The following SPATA22 variants were observed in gnomAD, a reference collection of about 807,000 sequenced individuals.
SPATA22 encodes the protein spermatogenesis-associated protein 22.
Under a neutral mutation model 47.8 loss-of-function variants are expected in SPATA22, and 29 were observed. The ratio of observed to expected loss-of-function variants is 0.61; its 90% confidence interval spans 0.45 to 0.83. SPATA22 has a LOEUF of 0.83. SPATA22 is among the 40% of genes least tolerant of loss of function. The pLI, the probability that SPATA22 is intolerant of heterozygous loss-of-function variation, is 0.00. For missense variants in SPATA22, 410 were observed against 421.7 expected (o/e 0.97, Z 0.24); for synonymous variants, 133 against 140.9 (o/e 0.94, Z 0.40).
upstream of SPATA22, among the ~76,000 whole-genome samples, chr17:3,474,594 A>G (rs893880449): frequency 6.6e-6 from 1 of 151,984 alleles, no homozygotes; most frequent in African/African-American, 2.4e-5. Context: ...TTTTTTTTCT[A>G]TTAGAACAGT....
chr17:3,501,162 A>G (rs555256475), intron 1 of SPATA22: 32 of 152,156 alleles, frequency 2.1e-4, no homozygotes, highest in African/African-American at 7.5e-4. Flanking sequence ...GAGAAAAAAG[A>G]AAAAAAAGAA....
chr17:3,509,501 C>T (rs917682264), intron 1 of SPATA22, among the ~76,000 whole-genome samples: 4 of 152,068 alleles, frequency 2.6e-5, no homozygotes, highest in African/African-American at 9.7e-5. Flanking sequence ...GATCTCATTC[C>T]TTTTTATGGC....
rs567610187 is a variant in SPATA22 at position 3,447,602 on chromosome 17, C to T, written c.673-1001G>A. On this transcript the variant is annotated intron_variant, in intron 6 of 8. Coordinates refer to ENST00000572969, the MANE Select transcript of SPATA22 (RefSeq NM_001170698.2). Reference sequence around the variant, plus strand: ...AAACATGCAAAAACAAATTTTACCCCGATGGCTTTTTGAAAAGATTGCTTT... The same window carrying T: ...AAACATGCAAAAACAAATTTTACCCTGATGGCTTTTTGAAAAGATTGCTTT... 6.6e-5 allele frequency among the ~76,000 whole-genome samples: 10 copies of T among 152,248 alleles called. No individual in the cohort carries two copies. The South Asian group carries it at 1.2e-3, about 19-fold the overall frequency.
chr17:3,512,206 TCTC>T (rs1218463784), intron 1 of SPATA22: 1 of 152,266 alleles, frequency 6.6e-6, no homozygotes, highest in African/African-American at 2.4e-5. Flanking sequence ...CTAGGACAGT[TCTC>T]CTCAAATCTT....
chr17:3,471,614 T>G, intron 1 of SPATA22, 68 bp downstream of exon 1: 3 of 985,080 alleles, frequency 3.0e-6, no homozygotes, highest in Non-Finnish European at 3.6e-6. Context: ...CCAGTCCGAG[T>G]TGAGACGCTC....
intron 7 of SPATA22, among the ~76,000 whole-genome samples, chr17:3,444,806 C>T (rs1354673869): frequency 2.6e-5 from 4 of 152,006 alleles, no homozygotes; most frequent in Non-Finnish European, 5.9e-5. Flanking sequence ...ATATACAGTG[C>T]AGTGTGCTAG....
intron 5 of SPATA22, among the ~76,000 whole-genome samples, chr17:3,455,132 C>T (rs1223888839): frequency 7.1e-6 from 1 of 140,744 alleles, no homozygotes; most frequent in Non-Finnish European, 1.7e-5. Flanking sequence ...CCTTTGCCCA[C>T]TTTTTGATGG....
chr17:3,481,589 T>G (rs1188642815), intron 1 of SPATA22: 1 of 1,610,516 alleles, frequency 6.2e-7, no homozygotes, highest in Non-Finnish European at 8.5e-7. Flanking sequence ...TCTTTTTCTT[T>G]CTGCTTATAA....
chr17:3,508,107 T>C (rs1038528424), intron 1 of SPATA22, among the ~76,000 whole-genome samples: 2 of 152,200 alleles, frequency 1.3e-5, no homozygotes, highest in African/African-American at 4.8e-5. Flanking sequence ...ATTTCACTTA[T>C]TAACAAATTG....
chr17:3,482,745 T>C (rs982614468), intron 1 of SPATA22, among the ~76,000 whole-genome samples: 1 of 151,962 alleles, frequency 6.6e-6, no homozygotes, highest in African/African-American at 2.4e-5. Flanking sequence ...GTGGTCCTGG[T>C]AGGAGATCAT....
At chr17:3,444,724 T>C (rs1412633946) in intron 7 of SPATA22, among the ~76,000 whole-genome samples, 2 of 152,060 alleles carry the variant, frequency 1.3e-5, no homozygotes, top group Non-Finnish European at 2.9e-5. Flanking sequence ...TACATAGCAA[T>C]ATAAATGAGT....
At chr17:3,499,189 C>A in intron 1 of SPATA22, 1 of 1,271,702 alleles carries the variant, frequency 7.9e-7, no homozygotes. Context: ...GCATACATAG[C>A]TCCTAGCACA....
intron 1 of SPATA22, among the ~76,000 whole-genome samples, chr17:3,483,240 G>T (rs1316842283): frequency 6.6e-6 from 1 of 151,962 alleles, no homozygotes; most frequent in African/African-American, 2.4e-5. Flanking sequence ...TTTTGATCAT[G>T]GTTCTGGAGA....
chr17:3,463,177 A>C (rs1241865222), intron 3 of SPATA22, among the ~76,000 whole-genome samples: 1 of 152,220 alleles, frequency 6.6e-6, no homozygotes, highest in Non-Finnish European at 1.5e-5. Context: ...AGAATATAAA[A>C]CTTCATCAAA....
intron 5 of SPATA22, among the ~76,000 whole-genome samples, chr17:3,460,814 A>AAAAAAAAAAAAG (rs1555535972): frequency 7.1e-6 from 1 of 140,106 alleles, no homozygotes. Flanking sequence ...AAAAAAAAAA[A>AAAAAAAAAAAAG]GATTAAAAAT....
Position 3,488,279 on chromosome 17 carries a change from T to C in SPATA22, c.-73-18881A>G, listed in dbSNP as rs2073762217. On this transcript the variant is annotated intron_variant, in intron 1 of 8. Transcript: ENST00000541913. This position sits in a 1 kb window ranked among gnomAD's most constrained non-coding sequence, Gnocchi z 6.1. ...TTTTGTAGATGTAAGGATGGATGCTTAACAGCCACACAAAGTAGACCTAAT... is the reference window on the plus strand; with the variant it reads ...TTTTGTAGATGTAAGGATGGATGCTCAACAGCCACACAAAGTAGACCTAAT... Among the ~76,000 whole-genome samples the C allele has an allele frequency of 6.6e-6, 1 of 152,126 alleles. No homozygotes were observed. The highest frequency in any genetic ancestry group is 6.6e-5 in the Admixed American group (1 of 15,260).
chr17:3,448,529 T>A (rs1352910382), intron 6 of SPATA22, among the ~76,000 whole-genome samples: 1 of 152,180 alleles, frequency 6.6e-6, no homozygotes, highest in Non-Finnish European at 1.5e-5. Flanking sequence ...AAACAATGGA[T>A]AAACTGTCTT....
chr17:3,489,364 G>A (rs1489481884), intron 1 of SPATA22: 17 of 1,547,270 alleles, frequency 1.1e-5, no homozygotes, highest in East Asian at 4.5e-5. Flanking sequence ...TGAAGGTAAC[G>A]TTATCAAACT....
intron 8 of SPATA22, among the ~76,000 whole-genome samples, chr17:3,442,374 A>C (rs1336775018): frequency 3.3e-5 from 5 of 152,000 alleles, no homozygotes. Context: ...TTCTTAAGTC[A>C]TAAAACTAGA....
Sources: allele counts gnomAD v4.1 joint callset (sites outside exome capture counted in the v4.1 genomes callset), GRCh38; gene constraint gnomAD v4.1.1; non-coding constraint Gnocchi (gnomAD v3.1); transcripts MANE v1.5; gene names NCBI Gene and HGNC (gene_info 2026-07-23, HGNC 2026-07-21).